The following RPS6KC1 variants were observed in gnomAD, a reference collection of about 807,000 sequenced individuals.
RPS6KC1 encodes the protein inactive ribosomal protein S6 kinase delta-1.
A neutral mutation model predicts 103.8 loss-of-function variants in RPS6KC1; 54 were observed. That is an observed-to-expected ratio of 0.52 (90% CI 0.42 to 0.65). The LOEUF (loss-of-function observed/expected upper bound fraction) is 0.65. RPS6KC1 is among the 30% of genes least tolerant of loss of function. The pLI, the probability that RPS6KC1 is intolerant of heterozygous loss-of-function variation, is 0.00. For missense variants in RPS6KC1, 1,151 were observed against 1,253.8 expected (o/e 0.92, Z 1.24); for synonymous variants, 439 against 438.7 (o/e 1.00, Z -0.01).
intron 8 of RPS6KC1, among the ~76,000 whole-genome samples, chr1:213,189,953 C>T (rs1201811445): frequency 6.6e-6 from 1 of 152,154 alleles, no homozygotes; most frequent in Admixed American, 6.5e-5. Flanking sequence ...TTGACCTCAG[C>T]TTCTATCCAT....
the RPS6KC1 span, among the ~76,000 whole-genome samples, chr1:213,804,040 A>T: frequency 6.6e-6 from 1 of 151,834 alleles, no homozygotes; most frequent in Non-Finnish European, 1.5e-5. Flanking sequence ...CAGCACACCA[A>T]CGTGGCACAT....
the RPS6KC1 span, among the ~76,000 whole-genome samples, chr1:213,758,731 G>A: frequency 1.3e-5 from 2 of 152,144 alleles, no homozygotes; most frequent in African/African-American, 4.8e-5. Flanking sequence ...TGTGAAAATA[G>A]CAAGATAACT....
chr1:213,128,956 A>G (rs190493957), intron 5 of RPS6KC1, among the ~76,000 whole-genome samples: 1 of 152,348 alleles, frequency 6.6e-6, no homozygotes, highest in East Asian at 1.9e-4. Flanking sequence ...AGACTTGCAT[A>G]ATAAGTAATA....
the RPS6KC1 span, among the ~76,000 whole-genome samples, chr1:213,382,030 C>G: frequency 6.6e-6 from 1 of 152,164 alleles, no homozygotes; most frequent in Non-Finnish European, 1.5e-5. Flanking sequence ...CACACCCAGG[C>G]GCACACACCA....
At chr1:213,158,738 A>G (rs182236062) in intron 6 of RPS6KC1, among the ~76,000 whole-genome samples, 2 of 152,252 alleles carry the variant, frequency 1.3e-5, no homozygotes, top group African/African-American at 4.8e-5. Context: ...TTTATTACCA[A>G]GTTTTTTCTG....
At chr1:213,576,112 G>A in the RPS6KC1 span, among the ~76,000 whole-genome samples, 3 of 152,184 alleles carry the variant, frequency 2.0e-5, no homozygotes, top group African/African-American at 7.2e-5. Flanking sequence ...GCATACAGCT[G>A]GCTCTGCATA....
chr1:213,436,276 T>G, the RPS6KC1 span, among the ~76,000 whole-genome samples: 1 of 152,336 alleles, frequency 6.6e-6, no homozygotes, highest in African/African-American at 2.4e-5. Context: ...GCATTTCGAG[T>G]GTTCAATAGC....
the RPS6KC1 span, among the ~76,000 whole-genome samples, chr1:213,562,151 G>A: frequency 6.6e-6 from 1 of 152,246 alleles, no homozygotes; most frequent in South Asian, 2.1e-4. Flanking sequence ...GTGTTATGCA[G>A]TTTACTTAGA....
rs149895805 is a variant in RPS6KC1, at chr1:213,070,885, A to G, written c.106-121A>G. ...TAGCTGAGTTTTGGATAAATGATAT[A>G]GTGTTTATTTTTTTAAGCAAATTGA... On this transcript the variant is annotated intron_variant, in intron 1 of 14. Transcript: ENST00000366960. 1,051 of 611,430 alleles carry G rather than the reference A, an allele frequency of 1.7e-3. 3 individuals carry two copies. The highest frequency in any genetic ancestry group is 2.3e-3 in the Non-Finnish European group (816 of 352,542). The allele number at this position is 611,430 out of a possible 1,614,324, so 37.9% of individuals were successfully genotyped here.
chr1:213,241,513 T>C lies in RPS6KC1; in HGVS notation c.2037T>C (p.Asp679=), dbSNP rs755498793. Residue 679 remains aspartate, a synonymous_variant, in exon 11 of 15, where the codon GAT becomes GAC. Transcript: ENST00000366960. ...PVISFKDAAF[D]DVSGTDEGRP... ...TTTCATTTAAAGATGCTGCTTTTGA[T>C]GATGTCAGTGGTACTGATGAAGGAA... 1 of 1,613,986 alleles carries C rather than the reference T, an allele frequency of 6.2e-7. No individual in the cohort carries two copies. The highest frequency in any genetic ancestry group is 8.5e-7 in the Non-Finnish European group (1 of 1,179,926).
At chr1:213,259,031 C>T (rs1417615212) in intron 12 of RPS6KC1, among the ~76,000 whole-genome samples, 8 of 152,176 alleles carry the variant, frequency 5.3e-5, no homozygotes, top group Non-Finnish European at 1.0e-4. Context: ...TAGATGACAT[C>T]AAGTGAATTC....
At chr1:213,384,926 C>T in the RPS6KC1 span, among the ~76,000 whole-genome samples, 8 of 152,164 alleles carry the variant, frequency 5.3e-5, no homozygotes, top group African/African-American at 1.4e-4. Flanking sequence ...GGATTTTAAA[C>T]CCAGGCAGGT....
the RPS6KC1 span, among the ~76,000 whole-genome samples, chr1:213,733,344 A>T: frequency 6.6e-6 from 1 of 151,060 alleles, no homozygotes; most frequent in South Asian, 2.1e-4. Context: ...GGCTCAAGTT[A>T]TTCTCCCACC....
chr1:213,782,812 G>A, the RPS6KC1 span, among the ~76,000 whole-genome samples: 2 of 152,142 alleles, frequency 1.3e-5, no homozygotes, highest in South Asian at 4.2e-4. Context: ...CACAGGAAAT[G>A]GGAACATAAA....
chr1:213,535,190 C>T, the RPS6KC1 span, among the ~76,000 whole-genome samples: 313 of 152,318 alleles, frequency 2.1e-3, no homozygotes, highest in Non-Finnish European at 2.6e-3. Flanking sequence ...TATACCACAT[C>T]TCTTTTCAGG....
chr1:213,392,153 G>A, the RPS6KC1 span, among the ~76,000 whole-genome samples: 1 of 152,258 alleles, frequency 6.6e-6, no homozygotes, highest in East Asian at 1.9e-4. Flanking sequence ...TGATGTAGTT[G>A]GGAATCTGGT....
Position 213,257,224 on chromosome 1 carries a change from A to T in RPS6KC1, c.2912-4334A>T, listed in dbSNP as rs145450244. On this transcript the variant is annotated intron_variant, in intron 12 of 14. Transcript: ENST00000366960. ...CAGTGCTGTGGAAAACAAACATAAC[A>T]TGTAGCTTTTGAGGATCTAGGCTAC... Among the ~76,000 whole-genome samples the T allele has an allele frequency of 1.5e-3, 236 of 152,282 alleles. 3 individuals are homozygous for T. Among genetic ancestry groups the T allele is most frequent in the African/African-American group, 5.6e-3 (232 of 41,544 alleles).
chr1:213,760,392 G>A, the RPS6KC1 span, among the ~76,000 whole-genome samples: 1 of 152,158 alleles, frequency 6.6e-6, no homozygotes, highest in Non-Finnish European at 1.5e-5. Flanking sequence ...GCTGCTGCCG[G>A]TCCCTGCCCA....
At chr1:213,568,606 G>C in the RPS6KC1 span, among the ~76,000 whole-genome samples, 1 of 152,160 alleles carries the variant, frequency 6.6e-6, no homozygotes, top group Non-Finnish European at 1.5e-5. Flanking sequence ...TAGGTATTTG[G>C]TTAGATTCTT....
Sources: gnomAD v4.1 joint callset for allele counts (sites outside exome capture counted in the v4.1 genomes callset) on GRCh38, gnomAD v4.1.1 for gene constraint, MANE v1.5 for transcripts, NCBI Gene and HGNC (gene_info 2026-07-23, HGNC 2026-07-21) for gene names.